SMCHD1: variants seen among roughly 807,000 people sequenced by gnomAD.
The protein encoded by SMCHD1 is structural maintenance of chromosomes flexible hinge domain containing 1.
In SMCHD1, 78 loss-of-function variants were observed where a neutral mutation model predicts 254.7. The ratio of observed to expected loss-of-function variants is 0.31; its 90% CI spans 0.26 to 0.37. SMCHD1 has a LOEUF of 0.37. Among genes scored for constraint, SMCHD1 ranks in the 10% least tolerant of loss-of-function variants. SMCHD1 has a pLI of 1.00. For synonymous variants in SMCHD1, 766 were observed against 794.9 expected (o/e 0.96, Z 0.61); for missense variants, 1,840 against 2,408.1 (o/e 0.76, Z 4.94).
chr18:2,663,536 T>G (rs1446566159), intron 1 of SMCHD1, among the ~76,000 whole-genome samples: 1 of 152,178 alleles, frequency 6.6e-6, no homozygotes, highest in Admixed American at 6.5e-5. Context: ...TTTGTCTAAG[T>G]TAAGGTGTGG....
At chr18:2,738,986 A>G (rs1047564457) in intron 26 of SMCHD1, among the ~76,000 whole-genome samples, 4 of 152,334 alleles carry the variant, frequency 2.6e-5, no homozygotes, top group Non-Finnish European at 4.4e-5. Flanking sequence ...ACACTGGCCT[A>G]TCAATTTCTT....
chr18:2,691,198 C>T (rs2074171706), intron 7 of SMCHD1, among the ~76,000 whole-genome samples: 1 of 152,096 alleles, frequency 6.6e-6, no homozygotes, highest in African/African-American at 2.4e-5. Context: ...ATATTACTTG[C>T]CATGATAAAA....
chr18:2,762,492 CTT>C (rs10708453), intron 36 of SMCHD1, among the ~76,000 whole-genome samples: 1,871 of 126,766 alleles, frequency 0.015, 10 homozygotes, highest in Non-Finnish European at 0.023. Flanking sequence ...ATCTGCCTAC[CTT>C]TTTTTTTTTT....
Position 2,687,519 on chromosome 18 carries a change from GTTTACAGTGATGTTGATTTC to G in SMCHD1, c.639-871_639-852del, listed in dbSNP as rs1468804621. On this transcript the variant is annotated intron_variant, in intron 5 of 47. Coordinates refer to ENST00000320876, the MANE Select transcript of SMCHD1 (RefSeq NM_015295.3). The stretch of plus-strand genomic sequence containing the variant: ...CTAGTTCTTCTGTTTGGTTTTTGGT[GTTTACAGTGATGTTGATTTC>G]TTTTTATGTATCTTGTTTGGGCTCT... Among the ~76,000 whole-genome samples, 7 of 152,032 alleles carry G rather than the reference GTTTACAGTGATGTTGATTTC, an allele frequency of 4.6e-5. No individual in the cohort carries two copies. The South Asian group carries it at 1.5e-3, about 32-fold the overall frequency.
intron 46 of SMCHD1, 131 bp from the exon 47 acceptor site, chr18:2,796,276 A>G: frequency 1.2e-6 from 1 of 835,744 alleles, no homozygotes; most frequent in East Asian, 2.7e-5. Context: ...TTCTTTCACC[A>G]GAAGTAATAG....
At chr18:2,755,021 T>C (rs761442012) in intron 34 of SMCHD1, among the ~76,000 whole-genome samples, 1 of 152,052 alleles carries the variant, frequency 6.6e-6, no homozygotes, top group East Asian at 1.9e-4. Context: ...GTAGCAGTTA[T>C]CTTTGTTAAA....
intron 3 of SMCHD1, 45 bp downstream of exon 3, chr18:2,667,076 T>C (rs1182199221): frequency 3.6e-6 from 5 of 1,372,366 alleles, no homozygotes; most frequent in South Asian, 1.3e-5. Flanking sequence ...ATTACCTGCC[T>C]TTATCCCCTG....
intron 5 of SMCHD1, among the ~76,000 whole-genome samples, chr18:2,675,173 G>C (rs1401285506): frequency 6.6e-6 from 1 of 151,894 alleles, no homozygotes; most frequent in African/African-American, 2.4e-5. Context: ...AAAATCCTTA[G>C]GACAGAGCCT....
chr18:2,689,527 A>G (rs1347049358), intron 7 of SMCHD1, among the ~76,000 whole-genome samples: 1 of 151,668 alleles, frequency 6.6e-6, no homozygotes, highest in Non-Finnish European at 1.5e-5. Flanking sequence ...AGCCTGAAAC[A>G]TGATTTTTAA....
At chr18:2,769,957 A>C in intron 38 of SMCHD1, 32 bp from the exon 39 acceptor site, 3 of 1,554,848 alleles carry the variant, frequency 1.9e-6, no homozygotes, top group Non-Finnish European at 2.6e-6. Context: ...CAGTTTTTAA[A>C]TTATTTAAAT....
At chr18:2,712,230 C>T (rs1398231356) in intron 17 of SMCHD1, among the ~76,000 whole-genome samples, 202 of 103,394 alleles carry the variant, frequency 2.0e-3, no homozygotes, top group African/African-American at 7.1e-3. Flanking sequence ...TTTTCTTTTT[C>T]CTTTTTTTTT....
intron 7 of SMCHD1, among the ~76,000 whole-genome samples, chr18:2,693,878 G>A (rs184700902): frequency 2.0e-4 from 31 of 152,190 alleles, no homozygotes; most frequent in Admixed American, 9.2e-4. Flanking sequence ...TGATCTGCCC[G>A]CCTCAACCTC....
chr18:2,668,005 G>A (rs2073485230), intron 3 of SMCHD1, among the ~76,000 whole-genome samples: 2 of 152,020 alleles, frequency 1.3e-5, no homozygotes, highest in Non-Finnish European at 2.9e-5. Flanking sequence ...TCTGCCTCCC[G>A]AGTAGTTGGG....
At position 2,671,700 on chromosome 18, in the gene SMCHD1, A is replaced by G. The variant is rs569855721; in HGVS notation, c.425-1581A>G. Among the ~76,000 whole-genome samples, 13 of 147,282 alleles carry G rather than the reference A, an allele frequency of 8.8e-5. No individual in the cohort carries two copies. In the South Asian group the frequency reaches 2.1e-3, roughly 24 times the overall value. ...AAGCTCCGCCTCCCGGGTTCACGCC[A>G]TTCTCCTGCCTCAGTCTCCTGAGTA... On this transcript the variant is annotated intron_variant, in intron 3 of 47. Coordinates refer to ENST00000320876, the MANE Select transcript of SMCHD1 (RefSeq NM_015295.3).
Position 2,760,548 on chromosome 18 carries a change from C to T in SMCHD1, c.4347-104C>T, listed in dbSNP as rs115956566. ...ATATACTATTAGTAGTTCTATTCTT[C>T]CTACTCATTTATTTTTGTGGAAAGA... is the stretch of plus-strand genomic sequence containing the variant. On this transcript the variant is annotated intron_variant, in intron 34 of 47. Coordinates refer to ENST00000320876, the MANE Select transcript of SMCHD1 (RefSeq NM_015295.3). 921 of 701,056 alleles carry T rather than the reference C, an allele frequency of 1.3e-3. 7 individuals carry two copies. In the African/African-American group the frequency reaches 0.014, roughly 11 times the overall value. The allele number at this position is 701,056 out of a possible 1,614,324, so 43.4% of individuals were successfully genotyped here. A position where few individuals can be genotyped will look rare whatever the true frequency, so the allele number is the denominator to read the frequency against.
chr18:2,673,463 G>A (rs141572887), intron 4 of SMCHD1, 100 bp downstream of exon 4: 3 of 883,050 alleles, frequency 3.4e-6, no homozygotes, highest in African/African-American at 3.4e-5. Flanking sequence ...ACTAAAAGTA[G>A]AAATAATTGT....
At chr18:2,696,776 C>T (rs531306270) in intron 8 of SMCHD1, among the ~76,000 whole-genome samples, 20 of 152,194 alleles carry the variant, frequency 1.3e-4, no homozygotes, top group African/African-American at 4.8e-4. Context: ...GGTTGAAGCC[C>T]ACGGCTCCCT....
intron 1 of SMCHD1, among the ~76,000 whole-genome samples, chr18:2,659,763 GA>G (rs58068466): frequency 0.15 from 17,299 of 115,198 alleles, 916 homozygotes; most frequent in Non-Finnish European, 0.19. Flanking sequence ...TTGAGATTTT[GA>G]AAAAAAAAAA....
intron 45 of SMCHD1, among the ~76,000 whole-genome samples, chr18:2,787,155 G>A (rs1285346450): frequency 2.6e-5 from 4 of 152,210 alleles, no homozygotes; most frequent in African/African-American, 9.7e-5. Context: ...GAGCTGGCAT[G>A]TGCAAAGATC....
Sources: gnomAD v4.1 joint callset for allele counts (sites outside exome capture counted in the v4.1 genomes callset) on GRCh38, gnomAD v4.1.1 for gene constraint, MANE v1.5 for transcripts, NCBI Gene and HGNC (gene_info 2026-07-23, HGNC 2026-07-21) for gene names.